Variants in DNM2 observed in about 807,000 individuals in gnomAD.
DNM2 encodes the protein dynamin 2, also known as dynamin-2.
Under a neutral mutation model 99.0 loss-of-function variants are expected in DNM2, and 15 were observed. That is an observed-to-expected ratio of 0.15 (90% CI 0.10 to 0.23). The LOEUF is 0.23. Among genes scored for constraint, DNM2 ranks in the 10% least tolerant of loss-of-function variants. The probability of loss-of-function intolerance (pLI) is 1.00; values close to 1 mark genes in which losing one functional copy is unlikely to be tolerated. For synonymous variants in DNM2, 525 were observed against 481.2 expected (o/e 1.09, Z -1.19); for missense variants, 742 against 1,189.4 (o/e 0.62, Z 5.53).
At position 10,796,839 on chromosome 19, in the gene DNM2, C is replaced by T. The variant is rs959237013; in HGVS notation, c.1197-541C>T. Reference sequence around the variant, plus strand: ...GGACGCGCCGGGCTCCCCCAACCCGCGCCAACGCCGCGGGCCTGGTTCCCA... The same window carrying T: ...GGACGCGCCGGGCTCCCCCAACCCGTGCCAACGCCGCGGGCCTGGTTCCCA... On this transcript the variant is annotated intron_variant, in intron 9 of 20. Coordinates refer to ENST00000389253, the MANE Select transcript of DNM2 (RefSeq NM_001005361.3). The surrounding 1 kb of genome is among the most constrained non-coding windows in gnomAD (Gnocchi z 5.6). 6.6e-6 allele frequency among the ~76,000 whole-genome samples: 1 copy of T among 152,036 alleles called. No individual in the cohort carries two copies. Among genetic ancestry groups the T allele is most frequent in the Non-Finnish European group, 1.5e-5 (1 of 68,002 alleles).
chr19:10,740,519 G>A (rs1234508605), intron 1 of DNM2, among the ~76,000 whole-genome samples: 2 of 152,110 alleles, frequency 1.3e-5, no homozygotes, highest in East Asian at 1.9e-4. Context: ...GGGACTACAG[G>A]CACCCACCAC....
intron 6 of DNM2, among the ~76,000 whole-genome samples, chr19:10,783,708 T>TTTA (rs2071459936): frequency 6.7e-6 from 1 of 149,354 alleles, no homozygotes; most frequent in African/African-American, 2.4e-5. Flanking sequence ...TATTATTATT[T>TTTA]TTTATTTTTG....
In DNM2 at chr19:10,817,916, G is replaced by A. The variant is rs559881367; in HGVS notation, c.1672-2064G>A. On this transcript the variant is annotated intron_variant, in intron 15 of 20. Transcript: ENST00000389253. This position sits in a 1 kb window ranked among gnomAD's most constrained non-coding sequence, Gnocchi z 4.6. Reference sequence around the variant, plus strand: ...AACAGTTCCAGATGTGGCATTAGCTGGAATGGCCTGTGACTCAGTTACTTG... The same window carrying A: ...AACAGTTCCAGATGTGGCATTAGCTAGAATGGCCTGTGACTCAGTTACTTG... Among the ~76,000 whole-genome samples the A allele has an allele frequency of 3.9e-5, 6 of 152,226 alleles. No homozygotes were observed. Among genetic ancestry groups the A allele is most frequent in the African/African-American group, 1.4e-4 (6 of 41,538 alleles).
chr19:10,731,463 C>T (rs1329867257), intron 1 of DNM2, among the ~76,000 whole-genome samples: 2 of 151,852 alleles, frequency 1.3e-5, no homozygotes, highest in African/African-American at 4.8e-5. Context: ...AGTGATTCTC[C>T]TGCCTCAGCC....
In DNM2 at chr19:10,775,919, C is replaced by T. The variant is rs2145924904; in HGVS notation, c.589+13C>T. The stretch of plus-strand genomic sequence containing the variant: ...GTCGATCCCCAAGGTAACCCTGAGC[C>T]TAGGGCAGTCCCCTCTTCCAGGTGC... On this transcript the variant is annotated intron_variant, in intron 4 of 20. Coordinates refer to ENST00000389253, the MANE Select transcript of DNM2 (RefSeq NM_001005361.3). This position sits in a 1 kb window ranked among gnomAD's most constrained non-coding sequence, Gnocchi z 4.3. 1 of 1,608,548 alleles carries T rather than the reference C, an allele frequency of 6.2e-7. No individual in the cohort carries two copies. The highest frequency in any genetic ancestry group is 8.5e-7 in the Non-Finnish European group (1 of 1,179,950).
chr19:10,830,163 C>T lies in DNM2; in HGVS notation c.2328C>T (p.His776=), dbSNP rs766387630. The T allele has an allele frequency of 3.1e-6, 5 of 1,613,706 alleles. No homozygotes were observed. The highest frequency in any genetic ancestry group is 3.4e-6 in the Non-Finnish European group (4 of 1,179,648). ...AGCGCCGACCGGTGTCCAGCATACA[C>T]CCCCCTGGCCGGCCCCCAGCAGTGA... ...TPQRRPVSSI[H]PPGRPPAVRG... The change falls in exon 20 of 21, where the codon CAC becomes CAT. Residue 776 remains histidine, a synonymous_variant. Transcript: ENST00000389253. This position sits in a 1 kb window ranked among gnomAD's most constrained non-coding sequence, Gnocchi z 4.8.
intron 15 of DNM2, among the ~76,000 whole-genome samples, chr19:10,815,371 C>T (rs1308907831): frequency 6.6e-6 from 1 of 152,284 alleles, no homozygotes. Flanking sequence ...GCTTGACACC[C>T]GGAAGTCACC....
At position 10,817,606 on chromosome 19, in the gene DNM2, A is replaced by G. The variant is rs2072798457; in HGVS notation, c.1672-2374A>G. Reference sequence around the variant, plus strand: ...CAAGGAAACCACCACTCTTCCCGAGACGATCCGCTCTGTCCCTTCTGACGT... The same window carrying G: ...CAAGGAAACCACCACTCTTCCCGAGGCGATCCGCTCTGTCCCTTCTGACGT... On this transcript the variant is annotated intron_variant, in intron 15 of 20. Transcript: ENST00000389253. The surrounding 1 kb of genome is among the most constrained non-coding windows in gnomAD (Gnocchi z 4.6). The G allele has an allele frequency of 3.0e-5, 10 of 337,164 alleles. No homozygotes were observed. Among genetic ancestry groups the G allele is most frequent in the South Asian group, 1.7e-4 (8 of 46,024 alleles). The allele number at this position is 337,164 out of a possible 1,614,324, so 20.9% of individuals were successfully genotyped here.
At chr19:10,813,653 G>A (rs1015681550) in intron 15 of DNM2, among the ~76,000 whole-genome samples, 35 of 151,534 alleles carry the variant, frequency 2.3e-4, no homozygotes, top group African/African-American at 8.0e-4. Flanking sequence ...GCATTACCCT[G>A]TGTCTATTAA....
chr19:10,737,019 A>G lies in DNM2; in HGVS notation c.161+18616A>G, dbSNP rs567665406. Among the ~76,000 whole-genome samples the G allele has an allele frequency of 8.5e-5, 13 of 152,226 alleles. No individual in the cohort carries two copies. The South Asian group carries it at 1.0e-3, about 12-fold the overall frequency. On this transcript the variant is annotated intron_variant, in intron 1 of 20. Transcript: ENST00000389253. Reference sequence around the variant, plus strand: ...AAAAATTAGCCAGGCATGGCAGCGCATACTTACAGTCCCAGCTACTCAGGA... The same window carrying G: ...AAAAATTAGCCAGGCATGGCAGCGCGTACTTACAGTCCCAGCTACTCAGGA...
chr19:10,780,950 A>G (rs2145949470), intron 5 of DNM2, among the ~76,000 whole-genome samples: 2 of 150,340 alleles, frequency 1.3e-5, no homozygotes, highest in South Asian at 2.1e-4. Context: ...CCCAGGAGGC[A>G]GAGGTTGTAG....
intron 16 of DNM2, among the ~76,000 whole-genome samples, chr19:10,822,333 G>A (rs542969452): frequency 9.9e-5 from 15 of 151,858 alleles, no homozygotes; most frequent in African/African-American, 3.1e-4. Flanking sequence ...GGGACTACAG[G>A]CGCACACCAC....
intron 11 of DNM2, among the ~76,000 whole-genome samples, chr19:10,800,145 C>CCG: frequency 6.6e-6 from 1 of 152,260 alleles, no homozygotes; most frequent in Non-Finnish European, 1.5e-5. Flanking sequence ...GTGTGAGCCA[C>CCG]TGCTCCCAGA....
At chr19:10,732,254 C>A (rs2069348917) in intron 1 of DNM2, among the ~76,000 whole-genome samples, 1 of 139,860 alleles carries the variant, frequency 7.2e-6, no homozygotes, top group Non-Finnish European at 1.5e-5. Context: ...CGCCCTTAAA[C>A]TCTTTTCTGT....
chr19:10,728,472 GT>G (rs2069184749), intron 1 of DNM2, among the ~76,000 whole-genome samples: 1 of 152,146 alleles, frequency 6.6e-6, no homozygotes, highest in Non-Finnish European at 1.5e-5. Context: ...GCACCATGGC[GT>G]TTGTATCTGA....
Position 10,802,300 on chromosome 19 carries a change from A to G in DNM2, c.1435A>G (p.Ile479Val), listed in dbSNP as rs1252091018. 6.2e-7 allele frequency: 1 copy of G among 1,613,854 alleles called. No homozygotes were observed. The highest frequency in any genetic ancestry group is 8.5e-7 in the Non-Finnish European group (1 of 1,180,008). Residue 479 changes from isoleucine (I) to valine (V), a missense_variant, in exon 12 of 21, where the codon ATC becomes GTC. Ile to Val is a conservative substitution (Grantham distance 29). Coordinates refer to ENST00000389253, the MANE Select transcript of DNM2 (RefSeq NM_001005361.3). ...GRTKDQILLL[I>V]DIEQSYINTN... ...CGCTCTCCCCCAGATTCTTCTGCTG[A>G]TCGACATTGAGCAGTCCTACATCAA... is the stretch of plus-strand genomic sequence containing the variant.
Position 10,793,700 on chromosome 19 carries a change from C to T in DNM2, c.993-20C>T, listed in dbSNP as rs1239150270. ...GTGGAAACCTCCGTTTTGATGCTTG[C>T]TTTTTCCTTTTCCTCATAGGATGGT... On this transcript the variant is annotated intron_variant, in intron 7 of 20. Transcript: ENST00000389253. The T allele has an allele frequency of 1.2e-6, 2 of 1,614,164 alleles. No individual in the cohort carries two copies. The highest frequency in any genetic ancestry group is 3.3e-5 in the Admixed American group (2 of 60,012).
intron 1 of DNM2, among the ~76,000 whole-genome samples, chr19:10,754,140 G>A (rs1391397244): frequency 6.6e-6 from 1 of 152,050 alleles, no homozygotes; most frequent in Non-Finnish European, 1.5e-5. Flanking sequence ...ACAATTCTGT[G>A]GGCAAATTTT....
intron 2 of DNM2, chr19:10,769,294 A>ATGC (rs2070899744): frequency 6.6e-6 from 1 of 152,394 alleles, no homozygotes; most frequent in African/African-American, 2.4e-5. Flanking sequence ...CTGCCAGTAC[A>ATGC]TGCTGGGCTC....
Sources: allele counts gnomAD v4.1 joint callset (sites outside exome capture counted in the v4.1 genomes callset), GRCh38; gene constraint gnomAD v4.1.1; non-coding constraint Gnocchi (gnomAD v3.1); transcripts MANE v1.5; gene names NCBI Gene and HGNC (gene_info 2026-07-23, HGNC 2026-07-21).